The following MAGI2 variants were observed in gnomAD, a reference collection of about 807,000 sequenced individuals.
The protein encoded by MAGI2 is membrane-associated guanylate kinase, WW and PDZ domain-containing protein 2.
Under a neutral mutation model 133.3 loss-of-function variants are expected in MAGI2, and 35 were observed. That is an observed-to-expected ratio of 0.26 (90% CI 0.20 to 0.35). The LOEUF (loss-of-function observed/expected upper bound fraction) is 0.35, where lower values mean the gene tolerates loss of function less well. MAGI2 is among the 10% of genes least tolerant of loss of function. The probability of loss-of-function intolerance (pLI) is 1.00; values close to 1 mark genes in which losing one functional copy is unlikely to be tolerated. For missense variants in MAGI2, 1,636 were observed against 1,863.4 expected (o/e 0.88, Z 2.25); for synonymous variants, 729 against 710.6 (o/e 1.03, Z -0.41).
chr7:78,417,372 G>C (rs1436899947), intron 6 of MAGI2, among the ~76,000 whole-genome samples: 2 of 151,626 alleles, frequency 1.3e-5, no homozygotes, highest in African/African-American at 4.8e-5. Context: ...TGTGTGGGAG[G>C]CCGGGGGGAA....
At chr7:78,823,818 T>G (rs940402542) in intron 2 of MAGI2, among the ~76,000 whole-genome samples, 2 of 152,228 alleles carry the variant, frequency 1.3e-5, no homozygotes, top group Admixed American at 6.5e-5. Context: ...CAAGTCCAAT[T>G]GGTGCTTTTT....
chr7:78,181,135 T>G (rs1427763826), intron 13 of MAGI2, among the ~76,000 whole-genome samples: 1 of 152,154 alleles, frequency 6.6e-6, no homozygotes, highest in Non-Finnish European at 1.5e-5. Flanking sequence ...GTTGCTCTTC[T>G]GGCCCGACGA....
At chr7:78,508,679 A>G (rs961072962) in intron 4 of MAGI2, among the ~76,000 whole-genome samples, 25 of 152,054 alleles carry the variant, frequency 1.6e-4, no homozygotes, top group Admixed American at 1.6e-3. Flanking sequence ...TCTCGCACAC[A>G]TCATATATAT....
intron 6 of MAGI2, chr7:78,485,019 A>T (rs1792836515): frequency 6.6e-6 from 1 of 152,000 alleles, no homozygotes; most frequent in South Asian, 2.1e-4. Context: ...GAATGGTCCT[A>T]CAAGGCTTAA....
At chr7:78,714,997 A>T (rs957424378) in intron 2 of MAGI2, among the ~76,000 whole-genome samples, 3 of 152,154 alleles carry the variant, frequency 2.0e-5, no homozygotes, top group Non-Finnish European at 4.4e-5. Flanking sequence ...CCCTAATAAT[A>T]GTTCATGATG....
chr7:78,488,146 T>C (rs965405509), intron 6 of MAGI2, among the ~76,000 whole-genome samples: 1 of 152,022 alleles, frequency 6.6e-6, no homozygotes, highest in African/African-American at 2.4e-5. Flanking sequence ...GTTGACCAAG[T>C]TACAAATCAT....
At chr7:78,499,820 A>G (rs949801199) in intron 5 of MAGI2, among the ~76,000 whole-genome samples, 7 of 152,168 alleles carry the variant, frequency 4.6e-5, no homozygotes, top group African/African-American at 1.7e-4. Flanking sequence ...ATTGTTCTGA[A>G]CATCTATTTG....
chr7:78,539,090 G>A (rs1029992009), intron 3 of MAGI2, among the ~76,000 whole-genome samples: 1 of 152,224 alleles, frequency 6.6e-6, no homozygotes, highest in Non-Finnish European at 1.5e-5. Context: ...TCCTTGTCAT[G>A]TTCCAGTTCT....
intron 8 of MAGI2, 127 bp downstream of exon 8, chr7:78,345,795 A>C (rs1790844244): frequency 7.6e-7 from 1 of 1,317,518 alleles, no homozygotes; most frequent in Non-Finnish European, 1.1e-6. Flanking sequence ...AGCTAAAGCT[A>C]ATAGGAAGGT....
At chr7:78,539,104 G>A (rs551457427) in intron 3 of MAGI2, among the ~76,000 whole-genome samples, 1 of 152,282 alleles carries the variant, frequency 6.6e-6, no homozygotes, top group African/African-American at 2.4e-5. Flanking sequence ...CAGTTCTCAG[G>A]GGGAATGCTT....
intron 1 of MAGI2, among the ~76,000 whole-genome samples, chr7:79,309,914 T>G (rs1481685115): frequency 6.7e-6 from 1 of 148,270 alleles, no homozygotes; most frequent in African/African-American, 2.5e-5. Flanking sequence ...GTGGATCATC[T>G]GAGATCAGGA....
At chr7:78,728,906 T>A (rs1336437275) in intron 2 of MAGI2, among the ~76,000 whole-genome samples, 1 of 152,158 alleles carries the variant, frequency 6.6e-6, no homozygotes, top group Non-Finnish European at 1.5e-5. Context: ...AAATGATTCA[T>A]CTTACTCTTC....
chr7:78,619,308 G>A (rs1807460700), intron 3 of MAGI2, among the ~76,000 whole-genome samples: 2 of 151,616 alleles, frequency 1.3e-5, no homozygotes, highest in African/African-American at 4.8e-5. Flanking sequence ...CAGAACCCTA[G>A]GTTTTACCTA....
chr7:78,774,710 A>G (rs1825850215), intron 2 of MAGI2, among the ~76,000 whole-genome samples: 1 of 152,156 alleles, frequency 6.6e-6, no homozygotes, highest in Non-Finnish European at 1.5e-5. Context: ...CAGGCAGGAT[A>G]GACACACCTA....
At chr7:78,379,520 G>A (rs1358106912) in intron 6 of MAGI2, among the ~76,000 whole-genome samples, 1 of 151,968 alleles carries the variant, frequency 6.6e-6, no homozygotes. Flanking sequence ...ATCAATATTT[G>A]TGTACCAAAT....
intron 10 of MAGI2, among the ~76,000 whole-genome samples, chr7:78,215,708 G>A (rs1398054196): frequency 6.6e-6 from 1 of 152,154 alleles, no homozygotes; most frequent in African/African-American, 2.4e-5. Flanking sequence ...CCCCAGCCAT[G>A]GGAATGGAGG....
intron 10 of MAGI2, among the ~76,000 whole-genome samples, chr7:78,246,469 G>A (rs1318181104): frequency 6.6e-6 from 1 of 152,110 alleles, no homozygotes; most frequent in Admixed American, 6.6e-5. Context: ...CATTGGTTGG[G>A]CTGAGACACC....
At position 78,565,082 on chromosome 7, in the gene MAGI2, G is replaced by A. The variant is rs113442085; in HGVS notation, c.539-43437C>T. 7.9e-3 allele frequency among the ~76,000 whole-genome samples: 1,197 copies of A among 151,740 alleles called. 7 individuals carry two copies. Among genetic ancestry groups the A allele is most frequent in the Middle Eastern group, 0.024 (7 of 294 alleles). On this transcript the variant is annotated intron_variant, in intron 3 of 21. Transcript: ENST00000354212. ...TGCTGGGATTACAGGTGTGAGCACC[G>A]CGCCCGGCCTCCTTGACCTTCTTTT...
At position 79,450,319 on chromosome 7, in the gene MAGI2, A is replaced by T. The variant is rs116258018; in HGVS notation, c.301+2701T>A. Among the ~76,000 whole-genome samples, 450 of 152,104 alleles carry T rather than the reference A, an allele frequency of 3.0e-3. 3 individuals are homozygous for T. The highest frequency in any genetic ancestry group is 0.01 in the African/African-American group (435 of 41,516). ...GTATTGAAACCTAAGACACACAGGC[A>T]CTATAGTAAAGGTTCTGAAAAATTT... On this transcript the variant is annotated intron_variant, in intron 1 of 21. Transcript: ENST00000354212.
Sources: gnomAD v4.1 joint callset for allele counts (sites outside exome capture counted in the v4.1 genomes callset) on GRCh38, gnomAD v4.1.1 for gene constraint, MANE v1.5 for transcripts, NCBI Gene and HGNC (gene_info 2026-07-23, HGNC 2026-07-21) for gene names.